Variants in TMTC2 observed in about 807,000 individuals in gnomAD.
The protein encoded by TMTC2 is transmembrane O-mannosyltransferase targeting cadherins 2.
Under a neutral mutation model 82.4 loss-of-function variants are expected in TMTC2, and 43 were observed. The ratio of observed to expected loss-of-function variants is 0.52; its 90% CI spans 0.41 to 0.67. TMTC2 has a LOEUF of 0.67. Ranked by LOEUF, TMTC2 falls within the 30% of genes least tolerant of loss-of-function variation. TMTC2 has a pLI of 0.00. For missense variants in TMTC2, 919 were observed against 1,012.4 expected, an observed-to-expected ratio of 0.91 and a Z score of 1.25; for synonymous variants, 408 against 381.9, an observed-to-expected ratio of 1.07 and a Z score of -0.80.
intron 4 of TMTC2, among the ~76,000 whole-genome samples, chr12:82,955,997 T>C (rs575703737): frequency 3.3e-5 from 5 of 152,236 alleles, no homozygotes; most frequent in African/African-American, 1.2e-4. Context: ...GTTTTCTTAA[T>C]TTTCAGGCAA....
At chr12:82,791,878 T>C (rs1176300103) in intron 1 of TMTC2, among the ~76,000 whole-genome samples, 1 of 152,152 alleles carries the variant, frequency 6.6e-6, no homozygotes, top group Non-Finnish European at 1.5e-5. Flanking sequence ...AAGCTTTACC[T>C]CCACAGCCAC....
At chr12:82,757,334 A>G (rs944054742) in intron 1 of TMTC2, among the ~76,000 whole-genome samples, 22 of 152,188 alleles carry the variant, frequency 1.4e-4, no homozygotes, top group Non-Finnish European at 2.6e-4. Flanking sequence ...TTCTTTTGCA[A>G]TTTGCTCATG....
intron 4 of TMTC2, among the ~76,000 whole-genome samples, chr12:82,954,564 A>G (rs1877514909): frequency 6.6e-6 from 1 of 152,234 alleles, no homozygotes; most frequent in Non-Finnish European, 1.5e-5. Context: ...CTGGTTTTGA[A>G]GGTATGTGAT....
At chr12:82,801,912 C>T (rs1879025418) in intron 1 of TMTC2, among the ~76,000 whole-genome samples, 2 of 152,146 alleles carry the variant, frequency 1.3e-5, no homozygotes, top group Admixed American at 1.3e-4. Flanking sequence ...CATTTACAAT[C>T]CCTTAGCTAG....
intron 1 of TMTC2, among the ~76,000 whole-genome samples, chr12:82,778,966 G>A (rs1006800221): frequency 1.3e-5 from 2 of 150,674 alleles, no homozygotes; most frequent in African/African-American, 4.9e-5. Context: ...GAACCCAGGA[G>A]GTGGAGGTTG....
chr12:82,941,840 A>G lies in TMTC2; in HGVS notation c.1598+11295A>G, dbSNP rs146940393. Among the ~76,000 whole-genome samples, 871 of 152,194 alleles carry G rather than the reference A, an allele frequency of 5.7e-3. 11 individuals carry two copies. The highest frequency in any genetic ancestry group is 0.02 in the African/African-American group (830 of 41,514). On this transcript the variant is annotated intron_variant, in intron 4 of 11. Transcript: ENST00000321196. ...AGTGTCACGATCTTGGCTCACTGCA[A>G]CCTCTGCCTCCCAGGTTCAAGCGAT...
intron 7 of TMTC2, among the ~76,000 whole-genome samples, chr12:82,974,771 T>C (rs1486509604): frequency 1.3e-5 from 2 of 152,172 alleles, no homozygotes; most frequent in African/African-American, 4.8e-5. Context: ...GACAGCCTTG[T>C]AGAAATGTGA....
chr12:82,743,216 G>T (rs1875508815), intron 1 of TMTC2, among the ~76,000 whole-genome samples: 1 of 152,154 alleles, frequency 6.6e-6, no homozygotes, highest in South Asian at 2.1e-4. Flanking sequence ...GCCGAGGTGG[G>T]TGGATCACGA....
intron 7 of TMTC2, among the ~76,000 whole-genome samples, chr12:82,980,581 G>A (rs1014362171): frequency 6.8e-6 from 1 of 147,982 alleles, no homozygotes; most frequent in South Asian, 2.2e-4. Context: ...GGACCATTTT[G>A]TAAGTGTCCC....
intron 11 of TMTC2, among the ~76,000 whole-genome samples, chr12:83,119,366 A>G (rs1323852366): frequency 6.6e-6 from 1 of 152,148 alleles, no homozygotes; most frequent in Non-Finnish European, 1.5e-5. Context: ...CAGTTCGAAG[A>G]ATTTTTAAAT....
At chr12:83,050,319 A>T (rs926249390) in intron 9 of TMTC2, among the ~76,000 whole-genome samples, 2 of 136,126 alleles carry the variant, frequency 1.5e-5, no homozygotes, top group African/African-American at 5.2e-5. Context: ...TGTTTCTGGG[A>T]TAGCATTATA....
Position 82,896,284 on chromosome 12 carries a change from A to C in TMTC2, c.1121A>C (p.Glu374Ala). 6.2e-7 allele frequency: 1 copy of C among 1,614,184 alleles called. No homozygotes were observed. The highest frequency in any genetic ancestry group is 8.5e-7 in the Non-Finnish European group (1 of 1,180,036). ...ETKSSFASKV[E>A]NGIKNDVSQR... ...AAGTCCAGCTTTGCATCCAAAGTAG[A>C]AAATGGCATTAAAAACGATGTATCA... Residue 374 changes from glutamate (E) to alanine (A), a missense_variant, in exon 3 of 12, where the codon GAA becomes GCA. Physicochemically the swap from Glu to Ala is moderately radical, Grantham distance 107. Coordinates refer to ENST00000321196, the MANE Select transcript of TMTC2 (RefSeq NM_152588.3).
At chr12:82,883,797 C>G (rs1592599941) in intron 2 of TMTC2, among the ~76,000 whole-genome samples, 1 of 152,106 alleles carries the variant, frequency 6.6e-6, no homozygotes, top group Non-Finnish European at 1.5e-5. Context: ...CATTAGTTGT[C>G]TTCTTCTTAA....
chr12:83,104,784 C>T (rs557322871), intron 11 of TMTC2, among the ~76,000 whole-genome samples: 12 of 152,190 alleles, frequency 7.9e-5, no homozygotes, highest in Non-Finnish European at 1.6e-4. Context: ...GTGGTTGCTC[C>T]ACAGTCTGCT....
intron 11 of TMTC2, among the ~76,000 whole-genome samples, chr12:83,123,763 T>C (rs1306212434): frequency 6.6e-6 from 1 of 152,174 alleles, no homozygotes; most frequent in Admixed American, 6.5e-5. Flanking sequence ...TTTTTTAAAG[T>C]ACCAAATTGA....
intron 4 of TMTC2, among the ~76,000 whole-genome samples, chr12:82,962,589 A>C (rs1877992891): frequency 6.6e-6 from 1 of 151,900 alleles, no homozygotes; most frequent in Non-Finnish European, 1.5e-5. Flanking sequence ...TATTTTATTT[A>C]TTTCATTTAT....
chr12:82,943,478 T>C (rs915479766), intron 4 of TMTC2, among the ~76,000 whole-genome samples: 1 of 152,204 alleles, frequency 6.6e-6, no homozygotes, highest in African/African-American at 2.4e-5. Context: ...TGCACTAATA[T>C]GGTCAGTTAC....
At chr12:82,843,748 G>A (rs1192206548) in intron 1 of TMTC2, among the ~76,000 whole-genome samples, 1 of 151,948 alleles carries the variant, frequency 6.6e-6, no homozygotes, top group Non-Finnish European at 1.5e-5. Flanking sequence ...TGGAGTTCAA[G>A]ACCAGTCTGG....
chr12:82,891,828 A>T (rs1873413037), intron 2 of TMTC2, among the ~76,000 whole-genome samples: 1 of 152,226 alleles, frequency 6.6e-6, no homozygotes, highest in Admixed American at 6.5e-5. Context: ...CTTCTACTTT[A>T]AACATTTTAA....
Sources: gnomAD v4.1 joint callset for allele counts (sites outside exome capture counted in the v4.1 genomes callset) on GRCh38, gnomAD v4.1.1 for gene constraint, MANE v1.5 for transcripts, NCBI Gene and HGNC (gene_info 2026-07-23, HGNC 2026-07-21) for gene names.